Variants in MYO16 observed in about 807,000 individuals in gnomAD.
MYO16 encodes unconventional myosin-XVI.
Under a neutral mutation model 205.3 loss-of-function variants are expected in MYO16, and 94 were observed. The ratio of observed to expected loss-of-function variants is 0.46; its 90% CI spans 0.39 to 0.54. The LOEUF is 0.54. MYO16 is among the 20% of genes least tolerant of loss of function. The probability of loss-of-function intolerance (pLI) is 0.00; values close to 1 mark genes in which losing one functional copy is unlikely to be tolerated. For missense variants in MYO16, 2,315 were observed against 2,387.5 expected, an observed-to-expected ratio of 0.97 and a Z score of 0.63; for synonymous variants, 988 against 954.0, an observed-to-expected ratio of 1.04 and a Z score of -0.66.
chr13:109,142,292 A>G (rs759106975), intron 32 of MYO16, among the ~76,000 whole-genome samples: 6 of 152,150 alleles, frequency 3.9e-5, no homozygotes, highest in African/African-American at 1.4e-4. Context: ...TGTTTTCTCA[A>G]TGGTGTGTAT....
intron 4 of MYO16, among the ~76,000 whole-genome samples, chr13:108,770,365 TA>T (rs1463617200): frequency 1.3e-5 from 2 of 152,232 alleles, no homozygotes; most frequent in Non-Finnish European, 2.9e-5. Context: ...TTAAAAGCTT[TA>T]AAAAAGCAAT....
At chr13:108,670,983 G>T (rs1881962710) in intron 2 of MYO16, among the ~76,000 whole-genome samples, 1 of 152,122 alleles carries the variant, frequency 6.6e-6, no homozygotes, top group Non-Finnish European at 1.5e-5. Flanking sequence ...ATAGCAGTTT[G>T]TTTATATTAT....
At chr13:108,805,415 A>G (rs1887083684) in intron 6 of MYO16, among the ~76,000 whole-genome samples, 3 of 152,168 alleles carry the variant, frequency 2.0e-5, no homozygotes, top group Non-Finnish European at 4.4e-5. Context: ...TTTTTGTTAG[A>G]TTTTATCAAA....
chr13:109,146,234 A>G (rs1303383257), intron 32 of MYO16, among the ~76,000 whole-genome samples: 1 of 152,254 alleles, frequency 6.6e-6, no homozygotes, highest in Non-Finnish European at 1.5e-5. Context: ...ATTTGATTAC[A>G]TAAATATTCT....
chr13:108,705,011 G>A (rs1272706047), intron 2 of MYO16, among the ~76,000 whole-genome samples: 1 of 150,802 alleles, frequency 6.6e-6, no homozygotes, highest in Admixed American at 6.6e-5. Flanking sequence ...AATGAAAGAA[G>A]ATACAATAGT....
intron 22 of MYO16, among the ~76,000 whole-genome samples, chr13:109,011,485 T>C (rs1392311682): frequency 9.4e-6 from 1 of 106,002 alleles, no homozygotes; most frequent in Non-Finnish European, 1.8e-5. Context: ...TGCTTTTTTT[T>C]TTTTCTTCCT....
intron 14 of MYO16, among the ~76,000 whole-genome samples, chr13:108,895,160 C>T (rs1880353113): frequency 6.6e-6 from 1 of 151,266 alleles, no homozygotes; most frequent in Admixed American, 6.6e-5. Flanking sequence ...TAGTCCATGA[C>T]TTATATAGGG....
At chr13:109,021,046 T>C (rs1183751052) in intron 23 of MYO16, among the ~76,000 whole-genome samples, 1 of 151,916 alleles carries the variant, frequency 6.6e-6, no homozygotes. Flanking sequence ...TGTAGATGCT[T>C]TCCAAACCCA....
chr13:109,060,248 A>G (rs9521144), intron 27 of MYO16, among the ~76,000 whole-genome samples: 17,716 of 152,240 alleles, frequency 0.12, 1,417 homozygotes, highest in East Asian at 0.42. Context: ...ATGCCCATCA[A>G]TGATAGACTG....
In MYO16 at chr13:108,629,985, C is replaced by T. The variant is rs976136563; in HGVS notation, c.28+113C>T. 13 of 786,348 alleles carry T rather than the reference C, an allele frequency of 1.7e-5. No individual in the cohort carries two copies. The African/African-American group carries it at 1.7e-4, about 10-fold the overall frequency. The allele number at this position is 786,348 out of a possible 1,614,324, so 48.7% of individuals were successfully genotyped here. A position where few individuals can be genotyped will look rare whatever the true frequency, so the allele number is the denominator to read the frequency against. ...TGGTATACCACATTCAGATGAGTGA[C>T]ATAGACTGGTGACTTAGAAGAATAT... On this transcript the variant is annotated intron_variant, in intron 1 of 34. Coordinates refer to ENST00000457511, the MANE Select transcript of MYO16 (RefSeq NM_001198950.3).
intron 4 of MYO16, among the ~76,000 whole-genome samples, chr13:108,748,455 G>A (rs1255483340): frequency 6.6e-6 from 1 of 151,886 alleles, no homozygotes; most frequent in Non-Finnish European, 1.5e-5. Context: ...ACTAGAGAAA[G>A]AAGAGCAATT....
chr13:109,044,424 T>C (rs1156584484), intron 23 of MYO16, among the ~76,000 whole-genome samples: 3 of 152,278 alleles, frequency 2.0e-5, no homozygotes, highest in African/African-American at 4.8e-5. Context: ...TGGAGAAGGA[T>C]ATGATTGGAG....
chr13:108,673,252 A>T (rs192957137), intron 2 of MYO16, among the ~76,000 whole-genome samples: 187 of 152,202 alleles, frequency 1.2e-3, no homozygotes, highest in Middle Eastern at 6.9e-3. Context: ...CCTGCTTTCT[A>T]GTGGAGCTCT....
At chr13:108,774,496 T>A (rs1886065389) in intron 4 of MYO16, among the ~76,000 whole-genome samples, 1 of 152,204 alleles carries the variant, frequency 6.6e-6, no homozygotes, top group Admixed American at 6.5e-5. Flanking sequence ...TGCATTGATT[T>A]TGCACATATA....
intron 7 of MYO16, among the ~76,000 whole-genome samples, chr13:108,809,572 G>A (rs527902868): frequency 1.3e-4 from 20 of 152,208 alleles, no homozygotes; most frequent in African/African-American, 4.3e-4. Context: ...TGCTTCGGGC[G>A]GGCAGCAGAT....
chr13:108,996,592 T>A (rs1441553677), intron 21 of MYO16, among the ~76,000 whole-genome samples: 4 of 152,170 alleles, frequency 2.6e-5, no homozygotes, highest in African/African-American at 9.7e-5. Context: ...ATCTGCAAAT[T>A]GCTTCAAATG....
chr13:108,569,393 TTA>T, the MYO16 span, among the ~76,000 whole-genome samples: 1 of 152,158 alleles, frequency 6.6e-6, no homozygotes, highest in Non-Finnish European at 1.5e-5. Context: ...AAATTTATTC[TTA>T]AATGTTTCAT....
intron 12 of MYO16, among the ~76,000 whole-genome samples, chr13:108,872,005 T>A (rs940018560): frequency 1.3e-5 from 2 of 152,240 alleles, no homozygotes; most frequent in Non-Finnish European, 2.9e-5. Context: ...ACATCTGTTT[T>A]TATTGCATTG....
intron 27 of MYO16, among the ~76,000 whole-genome samples, chr13:109,088,700 G>C (rs186642167): frequency 6.6e-6 from 1 of 152,224 alleles, no homozygotes; most frequent in Non-Finnish European, 1.5e-5. Flanking sequence ...TGAGCTCAGC[G>C]GGCCGCAGTC....
Sources: allele counts gnomAD v4.1 joint callset (sites outside exome capture counted in the v4.1 genomes callset), GRCh38; gene constraint gnomAD v4.1.1; transcripts MANE v1.5; gene names NCBI Gene and HGNC (gene_info 2026-07-23, HGNC 2026-07-21).